Variants in SCFD1 observed in about 807,000 individuals in gnomAD.
SCFD1 encodes sec1 family domain-containing protein 1.
Under a neutral mutation model 103.2 loss-of-function variants are expected in SCFD1, and 37 were observed. The ratio of observed to expected loss-of-function variants is 0.36; its 90% CI spans 0.28 to 0.47. The LOEUF is 0.47. SCFD1 is among the 20% of genes least tolerant of loss of function. The probability of loss-of-function intolerance (pLI) is 1.00; values close to 1 mark genes in which losing one functional copy is unlikely to be tolerated. For synonymous variants in SCFD1, 264 were observed against 245.0 expected, an observed-to-expected ratio of 1.08 and a Z score of -0.73; for missense variants, 639 against 761.2, an observed-to-expected ratio of 0.84 and a Z score of 1.89.
chr14:30,631,812 C>T (rs117923521), intron 3 of SCFD1, among the ~76,000 whole-genome samples: 2,961 of 151,988 alleles, frequency 0.019, 53 homozygotes, highest in Middle Eastern at 0.034. Context: ...TCTGGAGGCC[C>T]GGGTGGGCGG....
rs1888902035 is a variant in SCFD1, at chr14:30,674,966, AT to A, written c.1161-12del. 3.4e-6 allele frequency: 5 copies of A among 1,492,244 alleles called. No individual in the cohort carries two copies. Among genetic ancestry groups the A allele is most frequent in the Non-Finnish European group, 3.6e-6 (4 of 1,098,714 alleles). 92.4% of individuals were successfully genotyped at this position (1,492,244 alleles called of 1,614,324 possible). A position where few individuals can be genotyped will look rare whatever the true frequency, so the allele number is the denominator to read the frequency against. ...TAGAAAATTTATTGGTTAATATTTA[AT>A]TTTTTGATACTTGCAGTTCTTTGCC... is the stretch of plus-strand genomic sequence containing the variant. On this transcript the variant is annotated splice_polypyrimidine_tract_variant and intron_variant, in intron 13 of 24. Coordinates refer to ENST00000458591, the MANE Select transcript of SCFD1 (RefSeq NM_016106.4).
intron 23 of SCFD1, among the ~76,000 whole-genome samples, chr14:30,726,101 A>G (rs1893025342): frequency 6.6e-6 from 1 of 152,202 alleles, no homozygotes; most frequent in South Asian, 2.1e-4. Flanking sequence ...ACTTGTCATC[A>G]TTCTTCTTTT....
Position 30,694,873 on chromosome 14 carries a change from T to A in SCFD1, c.1339+4T>A, listed in dbSNP as rs775702380. 1.3e-6 allele frequency: 2 copies of A among 1,580,974 alleles called. No homozygotes were observed. Among genetic ancestry groups the A allele is most frequent in the South Asian group, 2.4e-5 (2 of 83,680 alleles). On this transcript the variant is annotated splice_donor_region_variant and intron_variant, in intron 15 of 24. Transcript: ENST00000458591. Reference sequence around the variant, plus strand: ...GATATAATATCAGACCCTGATGGTATGTACCAAAAATTTGAGGTTAATGTA... The same window carrying A: ...GATATAATATCAGACCCTGATGGTAAGTACCAAAAATTTGAGGTTAATGTA...
At chr14:30,702,227 C>A in intron 16 of SCFD1, 69 bp from the exon 17 acceptor site, 1 of 1,037,756 alleles carries the variant, frequency 9.6e-7, no homozygotes, top group South Asian at 1.5e-5. Flanking sequence ...TTTAATTAAT[C>A]AAATGGCAAC....
chr14:30,702,464 A>T (rs1172641132), intron 17 of SCFD1, 89 bp downstream of exon 17: 1 of 748,462 alleles, frequency 1.3e-6, no homozygotes, highest in African/African-American at 1.8e-5. Context: ...CTAATAAGAA[A>T]ACTGAACAAT....
chr14:30,667,601 A>G (rs1888115684), intron 10 of SCFD1, among the ~76,000 whole-genome samples: 1 of 152,188 alleles, frequency 6.6e-6, no homozygotes, highest in Non-Finnish European at 1.5e-5. Flanking sequence ...AATTAGGAAA[A>G]GAGGAAGTCA....
At chr14:30,674,446 T>C (rs1373793616) in intron 13 of SCFD1, among the ~76,000 whole-genome samples, 1 of 151,928 alleles carries the variant, frequency 6.6e-6, no homozygotes, top group Non-Finnish European at 1.5e-5. Context: ...ATTGAGACCA[T>C]CCTGGCCAAC....
In SCFD1 at chr14:30,673,256, G is replaced by A. The variant is rs757275385; in HGVS notation, c.996-1G>A. 1 of 1,570,758 alleles carries A rather than the reference G, an allele frequency of 6.4e-7. No individual in the cohort carries two copies. The highest frequency in any genetic ancestry group is 8.7e-7 in the Non-Finnish European group (1 of 1,149,726). On this transcript the variant is annotated splice_acceptor_variant, in intron 11 of 24. Transcript: ENST00000458591. LOFTEE classifies it high-confidence loss of function. Reference sequence around the variant, plus strand: ...ATAGTTCTTGTGCAATACTGTTTTAGTCCATTCCCAGAAGTTGCAGAATCA... The same window carrying A: ...ATAGTTCTTGTGCAATACTGTTTTAATCCATTCCCAGAAGTTGCAGAATCA...
chr14:30,670,494 T>C (rs1196884460), intron 11 of SCFD1, 99 bp downstream of exon 11: 1 of 805,638 alleles, frequency 1.2e-6, no homozygotes, highest in East Asian at 2.8e-5. Context: ...GTCATGTAGG[T>C]TCGTTCACCC....
At chr14:30,628,165 C>A in intron 1 of SCFD1, 44 bp from the exon 2 acceptor site, 1 of 1,429,926 alleles carries the variant, frequency 7.0e-7, no homozygotes, top group Non-Finnish European at 9.8e-7. Flanking sequence ...AAAATAAAAT[C>A]CTAAAAAACA....
At chr14:30,690,593 C>CT (rs1001224885) in intron 14 of SCFD1, among the ~76,000 whole-genome samples, 8 of 139,622 alleles carry the variant, frequency 5.7e-5, no homozygotes, top group Admixed American at 2.8e-4. Context: ...TCCGTCACCC[C>CT]TTTTTTTGAC....
At chr14:30,680,502 G>A (rs1248958230) in intron 14 of SCFD1, among the ~76,000 whole-genome samples, 2 of 152,092 alleles carry the variant, frequency 1.3e-5, no homozygotes, top group African/African-American at 2.4e-5. Flanking sequence ...TTTTAACTTG[G>A]GTTTTTAAGT....
chr14:30,630,596 T>C (rs1392916379), intron 3 of SCFD1, 31 bp downstream of exon 3: 1 of 1,253,308 alleles, frequency 8.0e-7, no homozygotes, highest in Non-Finnish European at 1.2e-6. Flanking sequence ...AATAGTGGTA[T>C]TCATTTAAAG....
intron 10 of SCFD1, among the ~76,000 whole-genome samples, chr14:30,667,659 A>G (rs1006423543): frequency 6.6e-5 from 10 of 152,210 alleles, no homozygotes; most frequent in African/African-American, 2.4e-4. Context: ...AGAAAACCCT[A>G]TTGTCTCAGC....
chr14:30,627,473 G>A (rs907382111), intron 1 of SCFD1, among the ~76,000 whole-genome samples: 4 of 152,164 alleles, frequency 2.6e-5, no homozygotes, highest in Non-Finnish European at 5.9e-5. Flanking sequence ...CAGGCCGGGC[G>A]TGGTGGCTCA....
intron 3 of SCFD1, among the ~76,000 whole-genome samples, chr14:30,632,501 G>A (rs368026351): frequency 1.3e-5 from 2 of 151,958 alleles, no homozygotes; most frequent in Non-Finnish European, 2.9e-5. Context: ...CATGAAATAC[G>A]GTATTTGATG....
At chr14:30,693,538 A>T (rs1399531398) in intron 14 of SCFD1, among the ~76,000 whole-genome samples, 1 of 152,158 alleles carries the variant, frequency 6.6e-6, no homozygotes, top group African/African-American at 2.4e-5. Flanking sequence ...TACTGTTTAG[A>T]TGTTTCTACC....
Position 30,622,364 on chromosome 14 carries a change from C to G in SCFD1, c.26C>G (p.Ala9Gly), listed in dbSNP as rs750271900. The change falls in exon 1 of 25, where the codon GCA becomes GGA. Residue 9 changes from alanine (A) to glycine (G), a missense_variant. Coordinates refer to ENST00000458591, the MANE Select transcript of SCFD1 (RefSeq NM_016106.4). ...ATGGCGGCGGCGGCGGCAGCGACAGCAGCAGCAGCAGCCAGTATTCGGGAA... is the reference window on the plus strand; with the variant it reads ...ATGGCGGCGGCGGCGGCAGCGACAGGAGCAGCAGCAGCCAGTATTCGGGAA... MAAAAAAT[A>G]AAAASIRERQ... 8 of 1,561,628 alleles carry G rather than the reference C, an allele frequency of 5.1e-6. No individual in the cohort carries two copies. The highest frequency in any genetic ancestry group is 6.9e-6 in the Non-Finnish European group (8 of 1,153,040).
chr14:30,690,870 G>A (rs1890246548), intron 14 of SCFD1, among the ~76,000 whole-genome samples: 2 of 152,230 alleles, frequency 1.3e-5, no homozygotes, highest in Admixed American at 1.3e-4. Flanking sequence ...AGCTACTGAA[G>A]AATCTCAGTT....
Sources: gnomAD v4.1 joint callset for allele counts (sites outside exome capture counted in the v4.1 genomes callset) on GRCh38, gnomAD v4.1.1 for gene constraint, MANE v1.5 for transcripts, NCBI Gene and HGNC (gene_info 2026-07-23, HGNC 2026-07-21) for gene names.